DAB2: variants seen among roughly 807,000 people sequenced by gnomAD.
DAB2 encodes disabled homolog 2.
Under a neutral mutation model 71.6 loss-of-function variants are expected in DAB2, and 28 were observed. That is an observed-to-expected ratio of 0.39 (90% CI 0.29 to 0.54). The LOEUF is 0.54. DAB2 is among the 20% of genes least tolerant of loss of function. The probability of loss-of-function intolerance (pLI) is 0.68; values close to 1 mark genes in which losing one functional copy is unlikely to be tolerated. For missense variants in DAB2, 867 were observed against 928.8 expected (o/e 0.93, Z 0.86); for synonymous variants, 345 against 339.7 (o/e 1.02, Z -0.17).
At chr5:39,391,170 A>G (rs918454746) in intron 4 of DAB2, among the ~76,000 whole-genome samples, 2 of 152,206 alleles carry the variant, frequency 1.3e-5, no homozygotes, top group African/African-American at 2.4e-5. Flanking sequence ...TAATGACTAC[A>G]TCAGTAACCA....
intron 1 of DAB2, among the ~76,000 whole-genome samples, chr5:39,415,173 CTCTTCA>C (rs1287454571): frequency 6.6e-6 from 1 of 152,024 alleles, no homozygotes; most frequent in Non-Finnish European, 1.5e-5. Flanking sequence ...GTTAATAACC[CTCTTCA>C]ACAATTTTTA....
chr5:39,397,492 TCTAGCTAACAACTTATAC>T (rs1755393764), intron 1 of DAB2, among the ~76,000 whole-genome samples: 1 of 152,232 alleles, frequency 6.6e-6, no homozygotes, highest in Non-Finnish European at 1.5e-5. Context: ...CTCTCAGTTT[TCTAGCTAACAACTTATAC>T]CTAGTTAACA....
intron 1 of DAB2, among the ~76,000 whole-genome samples, chr5:39,420,259 T>C (rs1755949116): frequency 1.3e-5 from 2 of 152,242 alleles, no homozygotes; most frequent in Admixed American, 1.3e-4. Context: ...ATCTTTCATA[T>C]AAAGATCAAA....
chr5:39,403,326 T>C (rs1177119141), intron 1 of DAB2, among the ~76,000 whole-genome samples: 1 of 152,126 alleles, frequency 6.6e-6, no homozygotes, highest in African/African-American at 2.4e-5. Context: ...GCCTTATTCC[T>C]AGAGATTACC....
chr5:39,409,914 T>C (rs1363881721), intron 1 of DAB2, among the ~76,000 whole-genome samples: 1 of 152,160 alleles, frequency 6.6e-6, no homozygotes, highest in Non-Finnish European at 1.5e-5. Flanking sequence ...AAGGAATATA[T>C]ATTAAATAGC....
In DAB2 at chr5:39,382,957, C is replaced by G. The variant is rs550936413; in HGVS notation, c.1002G>C (p.Gly334=). The G allele has an allele frequency of 6.2e-7, 1 of 1,614,058 alleles. No individual in the cohort carries two copies. The highest frequency in any genetic ancestry group is 1.3e-5 in the African/African-American group (1 of 74,994). Residue 334 remains glycine, a synonymous_variant, in exon 10 of 15, where the codon GGG becomes GGC. Coordinates refer to ENST00000320816, the MANE Select transcript of DAB2 (RefSeq NM_001343.4). ...AGTAGTCAACATCACCATTCAGGGG[C>G]CCATTACTCAGCGGAGTAGACGAGC... ...SSSSSTPLSN[G]PLNGDVDYFG... is the part of the protein sequence containing the mutation.
In DAB2 at chr5:39,389,860, TTTC is replaced by T. The variant is rs1217770469; in HGVS notation, c.532_534del (p.Glu178del). 6.4e-7 allele frequency: 1 copy of T among 1,560,386 alleles called. No individual in the cohort carries two copies. The highest frequency in any genetic ancestry group is 1.1e-5 in the South Asian group (1 of 87,194). On this transcript the variant is annotated inframe_deletion, in exon 6 of 15. Coordinates refer to ENST00000320816, the MANE Select transcript of DAB2 (RefSeq NM_001343.4). ...AATCAGGTAGTACTTGCCTTTTTCT[TTTC>T]TTCTTCCTTTTTCTTTACATTATAG...
At chr5:39,389,718 G>T (rs771378012) in intron 6 of DAB2, 134 bp downstream of exon 6, 3 of 559,292 alleles carry the variant, frequency 5.4e-6, no homozygotes, top group Non-Finnish European at 6.3e-6. Context: ...CGCCATGTTG[G>T]CCAGGCTGGT....
chr5:39,406,817 C>A (rs1288570876), intron 1 of DAB2, among the ~76,000 whole-genome samples: 1 of 152,018 alleles, frequency 6.6e-6, no homozygotes, highest in Non-Finnish European at 1.5e-5. Context: ...AAAGAACGAA[C>A]AACTTACATG....
chr5:39,417,991 T>C (rs1271877557), intron 1 of DAB2: 2 of 152,212 alleles, frequency 1.3e-5, no homozygotes, highest in Non-Finnish European at 2.9e-5. Flanking sequence ...GAAAAGCCTG[T>C]TCTATCAGCT....
In DAB2 at chr5:39,372,741, G is replaced by C. The variant is rs991219165; in HGVS notation, c.*690C>G. 2 of 151,976 alleles carry C rather than the reference G, an allele frequency of 1.3e-5. No homozygotes were observed. Among genetic ancestry groups the C allele is most frequent in the Non-Finnish European group, 2.9e-5 (2 of 68,010 alleles). The allele number at this position is 151,976 out of a possible 1,614,324, so 9.4% of individuals were successfully genotyped here. On this transcript the variant is annotated 3_prime_UTR_variant, in exon 15 of 15. Coordinates refer to ENST00000320816, the MANE Select transcript of DAB2 (RefSeq NM_001343.4). ...AAGAATCAGAAAAAAAAGGGGAGGAGAGATGAATAATGTTCTTCCCTCATT... is the reference window on the plus strand; with the variant it reads ...AAGAATCAGAAAAAAAAGGGGAGGACAGATGAATAATGTTCTTCCCTCATT...
intron 1 of DAB2, among the ~76,000 whole-genome samples, chr5:39,402,627 AG>A (rs1755528907): frequency 6.6e-6 from 1 of 152,170 alleles, no homozygotes; most frequent in Admixed American, 6.5e-5. Context: ...CATGTTGTCC[AG>A]GCTGATCTTG....
intron 2 of DAB2, 147 bp downstream of exon 2, chr5:39,394,083 G>A (rs1339683641): frequency 1.5e-6 from 1 of 653,718 alleles, no homozygotes; most frequent in Non-Finnish European, 2.7e-6. Flanking sequence ...TTCTCCCAAG[G>A]TACAACTTTC....
chr5:39,392,167 A>G, intron 4 of DAB2, 198 bp downstream of exon 4: 1 of 559,614 alleles, frequency 1.8e-6, no homozygotes, highest in East Asian at 3.3e-5. Flanking sequence ...CATTTATTAT[A>G]GAACACAAAT....
At chr5:39,402,852 T>G (rs148175335) in intron 1 of DAB2, among the ~76,000 whole-genome samples, 39 of 152,340 alleles carry the variant, frequency 2.6e-4, no homozygotes, top group African/African-American at 8.7e-4. Context: ...GAACAAAATC[T>G]ACTCTAAGTT....
chr5:39,397,732 T>C (rs982045741), intron 1 of DAB2, among the ~76,000 whole-genome samples: 4 of 152,188 alleles, frequency 2.6e-5, no homozygotes, highest in Admixed American at 2.6e-4. Flanking sequence ...ACCCTAAATG[T>C]GGCAGATTCA....
intron 1 of DAB2, among the ~76,000 whole-genome samples, chr5:39,424,500 CA>C (rs1756059049): frequency 6.8e-6 from 1 of 147,532 alleles, no homozygotes; most frequent in African/African-American, 2.7e-5. Flanking sequence ...CACACACACA[CA>C]CACACACACA....
chr5:39,390,975 T>C (rs1011138343), intron 4 of DAB2, among the ~76,000 whole-genome samples: 1 of 151,682 alleles, frequency 6.6e-6, no homozygotes, highest in East Asian at 1.9e-4. Context: ...GCTAGAGGAG[T>C]GTTCACAGGG....
At chr5:39,391,610 T>C (rs902774843) in intron 4 of DAB2, among the ~76,000 whole-genome samples, 1 of 151,974 alleles carries the variant, frequency 6.6e-6, no homozygotes, top group Non-Finnish European at 1.5e-5. Flanking sequence ...GAGTATTTTA[T>C]AGCAATGAAA....
Sources: gnomAD v4.1 joint callset for allele counts (sites outside exome capture counted in the v4.1 genomes callset) on GRCh38, gnomAD v4.1.1 for gene constraint, MANE v1.5 for transcripts, NCBI Gene and HGNC (gene_info 2026-07-23, HGNC 2026-07-21) for gene names.